Variants in RBM47 observed in about 807,000 individuals in gnomAD.
RBM47 encodes RNA binding motif protein 47.
In RBM47, 21 loss-of-function variants were observed where a neutral mutation model predicts 47.1. That is an observed-to-expected ratio of 0.45 (90% confidence interval 0.32 to 0.64). The LOEUF (loss-of-function observed/expected upper bound fraction) is 0.64, where lower values mean the gene tolerates loss of function less well. Among genes scored for constraint, RBM47 ranks in the 30% least tolerant of loss-of-function variants. The pLI is 0.05. For missense variants in RBM47, 708 were observed against 870.9 expected, an observed-to-expected ratio of 0.81 and a Z score of 2.35; for synonymous variants, 375 against 361.7, an observed-to-expected ratio of 1.04 and a Z score of -0.42.
At chr4:40,575,986 G>A (rs1358674601) in intron 1 of RBM47, among the ~76,000 whole-genome samples, 3 of 152,178 alleles carry the variant, frequency 2.0e-5, no homozygotes, top group South Asian at 2.1e-4. Flanking sequence ...GTGGCCAGGA[G>A]GGCATTGTTA....
intron 1 of RBM47, among the ~76,000 whole-genome samples, chr4:40,614,115 T>C (rs1416916883): frequency 6.6e-6 from 1 of 152,156 alleles, no homozygotes; most frequent in African/African-American, 2.4e-5. Context: ...ATATTCACTA[T>C]CTCAGAAGGG....
chr4:40,425,379 A>G lies in RBM47; in HGVS notation c.*525T>C, dbSNP rs1714881955. ...ATACAGAGGTTTTACTCATTTTAAA[A>G]TTGCACTTTCCAGTATAACCTTTAA... On this transcript the variant is annotated 3_prime_UTR_variant, in exon 7 of 7. Transcript: ENST00000295971. The G allele has an allele frequency of 6.5e-6, 1 of 153,136 alleles. No individual in the cohort carries two copies. Among genetic ancestry groups the G allele is most frequent in the African/African-American group, 2.4e-5 (1 of 41,444 alleles). The allele number at this position is 153,136 out of a possible 1,614,324, so 9.5% of individuals were successfully genotyped here. A position where few individuals can be genotyped will look rare whatever the true frequency, so the allele number is the denominator to read the frequency against.
At chr4:40,427,971 G>C (rs140997457) in intron 6 of RBM47, among the ~76,000 whole-genome samples, 45 of 152,238 alleles carry the variant, frequency 3.0e-4, no homozygotes, top group African/African-American at 1.1e-3. Flanking sequence ...TAGGAGGATG[G>C]CTTGAGGCCA....
intron 1 of RBM47, among the ~76,000 whole-genome samples, chr4:40,590,324 A>G (rs1285343108): frequency 3.3e-5 from 5 of 151,934 alleles, no homozygotes; most frequent in Non-Finnish European, 7.4e-5. Context: ...GAGCCCAGAA[A>G]TTTGAGGTGA....
rs180988441 is a variant in RBM47 at position 40,487,321 on chromosome 4, A to G, written c.-154-20622T>C. ...TTTTCTTTTCTTTTTTTAAAGATGG[A>G]GTCTCACTCGGTCGCCCAGGCTGGA... On this transcript the variant is annotated intron_variant, in intron 2 of 6. Transcript: ENST00000295971. 5.6e-3 allele frequency among the ~76,000 whole-genome samples: 848 copies of G among 152,224 alleles called. 5 individuals carry two copies. Among genetic ancestry groups the G allele is most frequent in the Non-Finnish European group, 9.3e-3 (633 of 68,022 alleles).
intron 1 of RBM47, among the ~76,000 whole-genome samples, chr4:40,577,017 G>GA (rs936177875): frequency 2.6e-5 from 4 of 151,972 alleles, no homozygotes; most frequent in Non-Finnish European, 4.4e-5. Flanking sequence ...CAAGCCAGGA[G>GA]AAAAAAAGGA....
chr4:40,493,645 G>C (rs1012704772), intron 2 of RBM47, among the ~76,000 whole-genome samples: 1 of 151,978 alleles, frequency 6.6e-6, no homozygotes, highest in Non-Finnish European at 1.5e-5. Flanking sequence ...TTAGCCAGGC[G>C]TGGTGGTGGG....
chr4:40,426,325 A>G (rs1043128811), intron 6 of RBM47, 182 bp from the exon 7 acceptor site: 64 of 740,634 alleles, frequency 8.6e-5, no homozygotes, highest in Non-Finnish European at 1.3e-4. Context: ...CTGAAGAGGT[A>G]AGGTGGAGCT....
intron 1 of RBM47, among the ~76,000 whole-genome samples, chr4:40,548,783 C>T (rs2154263565): frequency 6.6e-6 from 1 of 152,288 alleles, no homozygotes; most frequent in Admixed American, 6.5e-5. Flanking sequence ...TCTCCTGCCT[C>T]AGCCTCCCAA....
intron 1 of RBM47, among the ~76,000 whole-genome samples, chr4:40,592,963 A>G (rs1210214998): frequency 6.6e-5 from 1 of 15,152 alleles, no homozygotes; most frequent in Non-Finnish European, 1.2e-4. Flanking sequence ...ATATATATAT[A>G]TATATATATA....
At chr4:40,601,130 T>C (rs904599677) in intron 1 of RBM47, among the ~76,000 whole-genome samples, 1 of 151,952 alleles carries the variant, frequency 6.6e-6, no homozygotes, top group Non-Finnish European at 1.5e-5. Flanking sequence ...TGAAGAAGCA[T>C]AGCAACTGAA....
At chr4:40,426,543 A>T (rs533201691) in intron 6 of RBM47, among the ~76,000 whole-genome samples, 33 of 152,232 alleles carry the variant, frequency 2.2e-4, no homozygotes, top group African/African-American at 7.7e-4. Flanking sequence ...TACTGTAAAA[A>T]AATTTTTTTT....
intron 1 of RBM47, among the ~76,000 whole-genome samples, chr4:40,621,789 G>T (rs1737289245): frequency 6.6e-6 from 1 of 152,236 alleles, no homozygotes; most frequent in Non-Finnish European, 1.5e-5. Flanking sequence ...GATTGCCAAA[G>T]AGGAGGCTTT....
At chr4:40,610,526 C>T (rs914517226) in intron 1 of RBM47, among the ~76,000 whole-genome samples, 1 of 146,284 alleles carries the variant, frequency 6.8e-6, no homozygotes, top group African/African-American at 2.5e-5. Context: ...CAGCAAATGG[C>T]GTGAACCCGG....
chr4:40,454,844 C>T (rs1173745725), intron 3 of RBM47, among the ~76,000 whole-genome samples: 1 of 152,154 alleles, frequency 6.6e-6, no homozygotes, highest in Non-Finnish European at 1.5e-5. Flanking sequence ...AATAACTTGA[C>T]CCAACTTACA....
chr4:40,560,274 G>C (rs1176524650), intron 1 of RBM47, among the ~76,000 whole-genome samples: 1 of 152,192 alleles, frequency 6.6e-6, no homozygotes, highest in Non-Finnish European at 1.5e-5. Context: ...TTTCTGTGCT[G>C]CCTAAGGTTC....
chr4:40,586,754 C>T (rs79396045), intron 1 of RBM47, among the ~76,000 whole-genome samples: 3 of 151,848 alleles, frequency 2.0e-5, no homozygotes, highest in East Asian at 1.9e-4. Context: ...AAGACCCCAC[C>T]GGTGACCTCT....
At chr4:40,437,140 TATATATATATAAAATAC>T (rs1712724564) in intron 4 of RBM47, among the ~76,000 whole-genome samples, 1 of 39,414 alleles carries the variant, frequency 2.5e-5, no homozygotes, top group South Asian at 8.9e-4. Flanking sequence ...ATAAAATACA[TATATATATATAAAATAC>T]ATATATATAT....
At chr4:40,620,834 C>T (rs1049188713) in intron 1 of RBM47, among the ~76,000 whole-genome samples, 1 of 152,044 alleles carries the variant, frequency 6.6e-6, no homozygotes, top group Non-Finnish European at 1.5e-5. Flanking sequence ...GCACCCGGCC[C>T]CCCTATTCAT....
Sources: allele counts gnomAD v4.1 joint callset (sites outside exome capture counted in the v4.1 genomes callset), GRCh38; gene constraint gnomAD v4.1.1; transcripts MANE v1.5; gene names NCBI Gene and HGNC (gene_info 2026-07-23, HGNC 2026-07-21).